The following MRTFA variants were observed in gnomAD, a reference collection of about 807,000 sequenced individuals.
MRTFA encodes myocardin related transcription factor A.
A neutral mutation model predicts 83.5 loss-of-function variants in MRTFA; 20 were observed. That is an observed-to-expected ratio of 0.24 (90% CI 0.17 to 0.35). MRTFA has a LOEUF of 0.35. MRTFA is among the 10% of genes least tolerant of loss of function. The pLI is 1.00. For synonymous variants in MRTFA, 659 were observed against 541.2 expected (o/e 1.22, Z -3.02); for missense variants, 1,200 against 1,224.7 (o/e 0.98, Z 0.30).
At chr22:40,488,335 G>A (rs1442526758) in intron 3 of MRTFA, among the ~76,000 whole-genome samples, 1 of 152,162 alleles carries the variant, frequency 6.6e-6, no homozygotes, top group African/African-American at 2.4e-5. Context: ...GCTGACTAGG[G>A]TCAGACTGTG....
intron 1 of MRTFA, among the ~76,000 whole-genome samples, chr22:40,614,551 G>A (rs889429782): frequency 1.7e-4 from 26 of 152,098 alleles, no homozygotes; most frequent in African/African-American, 5.3e-4. Context: ...GCAATGGCGC[G>A]ATCTCGGCTC....
At chr22:40,618,936 G>A (rs935678469) in intron 1 of MRTFA, among the ~76,000 whole-genome samples, 12 of 151,794 alleles carry the variant, frequency 7.9e-5, no homozygotes, top group Non-Finnish European at 1.3e-4. Flanking sequence ...ACTCCAGCCT[G>A]GGTGACACAG....
intron 3 of MRTFA, among the ~76,000 whole-genome samples, chr22:40,543,188 A>C (rs904664889): frequency 6.6e-6 from 1 of 152,160 alleles, no homozygotes; most frequent in Admixed American, 6.5e-5. Flanking sequence ...ATGCTTTCTG[A>C]GGAATATAAT....
At chr22:40,485,979 C>T (rs900132660) in intron 3 of MRTFA, among the ~76,000 whole-genome samples, 6 of 152,156 alleles carry the variant, frequency 3.9e-5, no homozygotes, top group South Asian at 2.1e-4. Context: ...AGCTTTTCAA[C>T]CTGGCAGGCC....
At chr22:40,485,433 CAG>C (rs1180748956) in intron 3 of MRTFA, among the ~76,000 whole-genome samples, 1 of 152,046 alleles carries the variant, frequency 6.6e-6, no homozygotes, top group Admixed American at 6.6e-5. Context: ...ATTAAACTGA[CAG>C]AAATAGCTTA....
At chr22:40,456,654 T>C in intron 4 of MRTFA, among the ~76,000 whole-genome samples, 1 of 152,218 alleles carries the variant, frequency 6.6e-6, no homozygotes. Context: ...GCCACTGCAC[T>C]CCAGCCTGGA....
chr22:40,534,929 A>G (rs1602396922), intron 3 of MRTFA, among the ~76,000 whole-genome samples: 1 of 152,264 alleles, frequency 6.6e-6, no homozygotes, highest in Non-Finnish European at 1.5e-5. Context: ...AAATAGTCTC[A>G]GAATGACTGA....
intron 3 of MRTFA, among the ~76,000 whole-genome samples, chr22:40,482,899 G>C (rs2147187639): frequency 6.6e-6 from 1 of 152,262 alleles, no homozygotes; most frequent in Non-Finnish European, 1.5e-5. Flanking sequence ...TGGGGGTCAA[G>C]GTGGGAGGAT....
chr22:40,476,117 C>G (rs2053991769), intron 3 of MRTFA, among the ~76,000 whole-genome samples: 1 of 146,346 alleles, frequency 6.8e-6, no homozygotes, highest in Admixed American at 6.9e-5. Context: ...GCACTCCAAC[C>G]TGGGCGACAG....
intron 7 of MRTFA, chr22:40,429,307 T>C (rs1013066212): frequency 1.6e-6 from 1 of 609,650 alleles, no homozygotes; most frequent in Non-Finnish European, 2.9e-6. Context: ...TCCTGACATC[T>C]ATCTACTCTG....
At chr22:40,509,624 C>T (rs2054634893) in intron 3 of MRTFA, among the ~76,000 whole-genome samples, 1 of 152,138 alleles carries the variant, frequency 6.6e-6, no homozygotes, top group Non-Finnish European at 1.5e-5. Context: ...TTTGTTTATA[C>T]CTGATAGAAG....
intron 3 of MRTFA, among the ~76,000 whole-genome samples, chr22:40,492,099 C>T (rs781454139): frequency 1.3e-5 from 2 of 152,188 alleles, no homozygotes; most frequent in Non-Finnish European, 2.9e-5. Flanking sequence ...ACTGATGAAT[C>T]TTGGCCTTCT....
At chr22:40,472,129 C>T (rs1328539295) in intron 3 of MRTFA, among the ~76,000 whole-genome samples, 2 of 152,204 alleles carry the variant, frequency 1.3e-5, no homozygotes, top group Non-Finnish European at 2.9e-5. Flanking sequence ...ATCCTTCTCT[C>T]ATTCCAGTGA....
At chr22:40,424,425 A>C (rs763912715) in intron 7 of MRTFA, 44 bp from the exon 8 acceptor site, 3 of 1,599,828 alleles carry the variant, frequency 1.9e-6, no homozygotes, top group South Asian at 2.2e-5. Context: ...CAGCCCAGGG[A>C]ACAGATGAGC....
rs746853071 is a variant in MRTFA at position 40,411,442 on chromosome 22, G to A, written c.3044C>T (p.Thr1015Ile). Reference sequence around the variant, plus strand: ...CAAATCATGGCCATCGAGGAAGTCTGTGGAGAAGAGGCTGGGGGCTGTGGT... The same window carrying A: ...CAAATCATGGCCATCGAGGAAGTCTATGGAGAAGAGGCTGGGGGCTGTGGT... The change falls in exon 15 of 15, where the codon ACA becomes ATA. Residue 1015 changes from threonine to isoleucine, a missense_variant. Physicochemically the swap from Thr to Ile is moderately conservative, Grantham distance 89 (BLOSUM62 -1). Transcript: ENST00000355630. 1 of 1,592,406 alleles carries A rather than the reference G, an allele frequency of 6.3e-7. No homozygotes were observed. Among genetic ancestry groups the A allele is most frequent in the Non-Finnish European group, 8.6e-7 (1 of 1,163,564 alleles).
At chr22:40,588,512 A>G (rs2056066814) in intron 2 of MRTFA, among the ~76,000 whole-genome samples, 1 of 152,178 alleles carries the variant, frequency 6.6e-6, no homozygotes, top group South Asian at 2.1e-4. Flanking sequence ...ATACTTTTCC[A>G]AATACCCTTT....
chr22:40,551,799 C>T (rs914437731), intron 3 of MRTFA, among the ~76,000 whole-genome samples: 35 of 152,168 alleles, frequency 2.3e-4, no homozygotes, highest in African/African-American at 8.4e-4. Flanking sequence ...GGCTTGTTTA[C>T]CATTTAATCC....
chr22:40,558,481 C>T (rs1347153384), intron 2 of MRTFA, among the ~76,000 whole-genome samples: 2 of 151,880 alleles, frequency 1.3e-5, no homozygotes, highest in Non-Finnish European at 1.5e-5. Flanking sequence ...CTTCTTCCTA[C>T]TACTTTGAAT....
intron 4 of MRTFA, among the ~76,000 whole-genome samples, chr22:40,450,326 T>C (rs1420470544): frequency 6.6e-6 from 1 of 152,164 alleles, no homozygotes; most frequent in Non-Finnish European, 1.5e-5. Flanking sequence ...GCCCATGGCC[T>C]TCAAATGAAC....
Sources: gnomAD v4.1 joint callset for allele counts (sites outside exome capture counted in the v4.1 genomes callset) on GRCh38, gnomAD v4.1.1 for gene constraint, MANE v1.5 for transcripts, NCBI Gene and HGNC (gene_info 2026-07-23, HGNC 2026-07-21) for gene names.